PTPRO: variants seen among roughly 807,000 people sequenced by gnomAD.
PTPRO encodes the protein protein tyrosine phosphatase receptor type O, also known as receptor-type tyrosine-protein phosphatase O.
PTPRO carries 62 observed loss-of-function variants against 145.2 expected under a neutral mutation model. That is an observed-to-expected ratio of 0.43 (90% CI 0.35 to 0.53). The LOEUF is 0.53. Among genes scored for constraint, PTPRO ranks in the 20% least tolerant of loss-of-function variants. The probability of loss-of-function intolerance (pLI) is 0.01; values close to 1 mark genes in which losing one functional copy is unlikely to be tolerated. For missense variants in PTPRO, 1,345 were observed against 1,482.7 expected (o/e 0.91, Z 1.53); for synonymous variants, 565 against 514.7 (o/e 1.10, Z -1.32).
chr12:15,400,837 T>C (rs1458591268), intron 1 of PTPRO, among the ~76,000 whole-genome samples: 1 of 152,230 alleles, frequency 6.6e-6, no homozygotes, highest in Admixed American at 6.5e-5. Context: ...CTCACTAAAA[T>C]ATAAGTTACA....
At chr12:15,558,506 T>G (rs1331331558) in intron 16 of PTPRO, among the ~76,000 whole-genome samples, 1 of 152,194 alleles carries the variant, frequency 6.6e-6, no homozygotes, top group Non-Finnish European at 1.5e-5. Context: ...AGATTAACAA[T>G]CCTATCCAGT....
At chr12:15,344,495 A>C (rs1591720861) in intron 1 of PTPRO, among the ~76,000 whole-genome samples, 1 of 152,258 alleles carries the variant, frequency 6.6e-6, no homozygotes, top group East Asian at 1.9e-4. Flanking sequence ...CTTAAGACTA[A>C]TATTGCCTCT....
At chr12:15,368,791 C>CT (rs1938439889) in intron 1 of PTPRO, among the ~76,000 whole-genome samples, 1 of 152,144 alleles carries the variant, frequency 6.6e-6, no homozygotes, top group African/African-American at 2.4e-5. Context: ...CACATAATTC[C>CT]TGTTTACGGC....
chr12:15,368,691 A>G (rs183562661), intron 1 of PTPRO, among the ~76,000 whole-genome samples: 5 of 152,216 alleles, frequency 3.3e-5, no homozygotes, highest in African/African-American at 4.8e-5. Context: ...AAATTTCTCC[A>G]AACTGTTTAT....
At chr12:15,551,502 G>A (rs1322945721) in intron 14 of PTPRO, 49 bp from the exon 15 acceptor site, 4 of 1,605,410 alleles carry the variant, frequency 2.5e-6, no homozygotes, top group South Asian at 1.1e-5. Flanking sequence ...GTTCTGTTTG[G>A]TTCCCTGTAA....
chr12:15,408,062 G>C (rs1939695904), intron 1 of PTPRO, among the ~76,000 whole-genome samples: 1 of 152,070 alleles, frequency 6.6e-6, no homozygotes, highest in East Asian at 1.9e-4. Flanking sequence ...CTCTAGGATT[G>C]AGATACTATT....
intron 21 of PTPRO, 49 bp downstream of exon 21, chr12:15,580,164 AAGACT>A (rs1944279517): frequency 2.8e-6 from 4 of 1,419,786 alleles, no homozygotes; most frequent in Non-Finnish European, 4.0e-6. Context: ...CAGCCAGAGA[AAGACT>A]AGCAGGGCTA....
chr12:15,577,565 C>T (rs923400022), intron 19 of PTPRO, among the ~76,000 whole-genome samples: 1 of 152,152 alleles, frequency 6.6e-6, no homozygotes, highest in African/African-American at 2.4e-5. Context: ...AGCTTTGATT[C>T]CTTGAAGTAA....
Position 15,334,263 on chromosome 12 carries a change from CTT to C in PTPRO, c.75+11466_75+11467del, listed in dbSNP as rs547510911. 5.9e-5 allele frequency among the ~76,000 whole-genome samples: 9 copies of C among 152,144 alleles called. No homozygotes were observed. In the South Asian group the frequency reaches 1.9e-3, roughly 32 times the overall value. On this transcript the variant is annotated intron_variant, in intron 1 of 26. Transcript: ENST00000281171. ...TACCTCACGGAAATTTTAAAAATGA[CTT>C]TTTGAAAATGATTGTCTTTTCCTGG...
Position 15,580,001 on chromosome 12 carries a change from C to G in PTPRO, c.2921-38C>G, listed in dbSNP as rs1033254322. The G allele has an allele frequency of 3.9e-6, 6 of 1,552,074 alleles. No homozygotes were observed. The African/African-American group carries it at 8.1e-5, about 21-fold the overall frequency. ...GGGCCAAAATAATTTTTCCTTCCAT[C>G]TTGAATTTTAATATTTTTTTCTCCT... is the stretch of plus-strand genomic sequence containing the variant. On this transcript the variant is annotated intron_variant, in intron 20 of 26. Transcript: ENST00000281171.
At chr12:15,373,575 G>A (rs773716219) in intron 1 of PTPRO, among the ~76,000 whole-genome samples, 5 of 152,096 alleles carry the variant, frequency 3.3e-5, no homozygotes, top group Non-Finnish European at 7.4e-5. Context: ...TTTTATGGAC[G>A]GAAGTGTTTA....
intron 1 of PTPRO, among the ~76,000 whole-genome samples, chr12:15,436,508 C>T (rs1490401454): frequency 6.6e-6 from 1 of 152,098 alleles, no homozygotes; most frequent in Non-Finnish European, 1.5e-5. Context: ...AGAGAGTTTC[C>T]CTCTGTGACT....
chr12:15,509,652 A>G (rs1277525649), intron 7 of PTPRO, among the ~76,000 whole-genome samples: 1 of 111,834 alleles, frequency 8.9e-6, no homozygotes, highest in African/African-American at 3.0e-5. Flanking sequence ...AGCCCACTGT[A>G]CTCCAGCCTG....
chr12:15,411,576 A>T (rs1470577995), intron 1 of PTPRO, among the ~76,000 whole-genome samples: 2 of 152,208 alleles, frequency 1.3e-5, no homozygotes, highest in Non-Finnish European at 2.9e-5. Flanking sequence ...CGTAGCTGTG[A>T]TACAGAATGC....
chr12:15,498,975 T>C (rs1215527088), intron 3 of PTPRO, among the ~76,000 whole-genome samples: 5 of 152,186 alleles, frequency 3.3e-5, no homozygotes, highest in Non-Finnish European at 7.4e-5. Flanking sequence ...TATTTCTTTT[T>C]TTGGGCAGGT....
chr12:15,507,410 A>T (rs868687995), intron 6 of PTPRO, among the ~76,000 whole-genome samples: 1 of 122,916 alleles, frequency 8.1e-6, no homozygotes, highest in Non-Finnish European at 1.8e-5. Context: ...ACTCCATCTC[A>T]AAATAAATAA....
chr12:15,395,329 G>A (rs1265133698), intron 1 of PTPRO, among the ~76,000 whole-genome samples: 1 of 152,068 alleles, frequency 6.6e-6, no homozygotes, highest in Admixed American at 6.6e-5. Flanking sequence ...AGGGGATGAT[G>A]GCTTGAAGAG....
chr12:15,385,722 G>A (rs1406362151), intron 1 of PTPRO, among the ~76,000 whole-genome samples: 2 of 147,296 alleles, frequency 1.4e-5, no homozygotes, highest in Non-Finnish European at 3.0e-5. Context: ...TGAGGCAGGT[G>A]AATCCCTTGA....
At position 15,570,868 on chromosome 12, in the gene PTPRO, C is replaced by A. The variant is rs138059607; in HGVS notation, c.2829+1370C>A. On this transcript the variant is annotated intron_variant, in intron 19 of 26. Transcript: ENST00000281171. ...CCTTGGTGGCACAGCTGGATCATAA[C>A]CTCTGCTGGCAACTCACAGTTTATG... Among the ~76,000 whole-genome samples the A allele has an allele frequency of 1.4e-3, 216 of 152,274 alleles. 1 individual carries two copies. Among genetic ancestry groups the A allele is most frequent in the African/African-American group, 4.9e-3 (205 of 41,532 alleles).
Sources: allele counts gnomAD v4.1 joint callset (sites outside exome capture counted in the v4.1 genomes callset), GRCh38; gene constraint gnomAD v4.1.1; transcripts MANE v1.5; gene names NCBI Gene and HGNC (gene_info 2026-07-23, HGNC 2026-07-21).